Variants in DLGAP2 observed in about 807,000 individuals in gnomAD.
The protein encoded by DLGAP2 is DLG associated protein 2, also known as disks large-associated protein 2.
In DLGAP2, 26 loss-of-function variants were observed where a neutral mutation model predicts 100.3. That is an observed-to-expected ratio of 0.26 (90% CI 0.19 to 0.36). DLGAP2 has a LOEUF of 0.36. DLGAP2 is among the 10% of genes least tolerant of loss of function. The pLI is 1.00. For synonymous variants in DLGAP2, 886 were observed against 630.1 expected (o/e 1.41, Z -6.08); for missense variants, 1,858 against 1,453.2 (o/e 1.28, Z -4.53).
At chr8:1,198,364 C>T (rs565241472) in intron 2 of DLGAP2, among the ~76,000 whole-genome samples, 1 of 152,292 alleles carries the variant, frequency 6.6e-6, no homozygotes, top group African/African-American at 2.4e-5. Context: ...TGGGGCGTCA[C>T]GCATGTTGCA....
chr8:1,436,725 C>G (rs758424967), intron 3 of DLGAP2, among the ~76,000 whole-genome samples: 1 of 152,156 alleles, frequency 6.6e-6, no homozygotes, highest in Non-Finnish European at 1.5e-5. Context: ...CCCCACTCAC[C>G]CATTCACTCA....
At chr8:1,320,399 G>A (rs931458198) in intron 3 of DLGAP2, among the ~76,000 whole-genome samples, 5 of 152,084 alleles carry the variant, frequency 3.3e-5, no homozygotes, top group African/African-American at 9.7e-5. Context: ...GAGCCGGACC[G>A]GAGGAGGAGG....
chr8:1,580,174 G>A (rs1803170871), intron 6 of DLGAP2, among the ~76,000 whole-genome samples: 2 of 152,184 alleles, frequency 1.3e-5, no homozygotes, highest in East Asian at 1.9e-4. Flanking sequence ...GAAGTGACAT[G>A]GATGTTCCTT....
At chr8:1,342,905 C>T (rs776260515) in intron 3 of DLGAP2, among the ~76,000 whole-genome samples, 68 of 152,242 alleles carry the variant, frequency 4.5e-4, no homozygotes, top group African/African-American at 1.3e-3. Context: ...CCGTCTTTGC[C>T]GTGAGACCAG....
chr8:1,229,983 C>G (rs112738022), intron 2 of DLGAP2, among the ~76,000 whole-genome samples: 1 of 152,174 alleles, frequency 6.6e-6, no homozygotes, highest in Non-Finnish European at 1.5e-5. Flanking sequence ...CCCACTCTCA[C>G]CACTCCTATT....
chr8:1,531,649 C>A, intron 4 of DLGAP2, among the ~76,000 whole-genome samples: 1 of 152,014 alleles, frequency 6.6e-6, no homozygotes, highest in East Asian at 1.9e-4. Flanking sequence ...ATGTATATTT[C>A]CTTTTTTATA....
rs535285638 is a variant in DLGAP2 at position 903,441 on chromosome 8, C to A, written c.19-4471C>A. ...TGCAAGGCCGTGTCCATAAAATCAG[C>A]CACAACAGGCCTGTGTATTTTTGTG... On this transcript the variant is annotated intron_variant, in intron 1 of 14. Transcript: ENST00000637795. Among the ~76,000 whole-genome samples the A allele has an allele frequency of 1.1e-3, 171 of 152,246 alleles. 1 individual carries two copies. The highest frequency in any genetic ancestry group is 3.4e-3 in the Middle Eastern group (1 of 292).
intron 2 of DLGAP2, among the ~76,000 whole-genome samples, chr8:1,218,754 A>G (rs1215954117): frequency 4.6e-5 from 7 of 152,122 alleles, no homozygotes; most frequent in Non-Finnish European, 7.4e-5. Context: ...ATTCTTCATA[A>G]CTATGAGCTT....
intron 5 of DLGAP2, among the ~76,000 whole-genome samples, chr8:1,555,525 C>T (rs1202246036): frequency 6.6e-6 from 1 of 152,236 alleles, no homozygotes; most frequent in Non-Finnish European, 1.5e-5. Flanking sequence ...AGTACCGTCA[C>T]ACAGGGCTTG....
chr8:1,533,977 C>T (rs947147882), intron 4 of DLGAP2, among the ~76,000 whole-genome samples: 4 of 152,172 alleles, frequency 2.6e-5, no homozygotes, highest in African/African-American at 9.7e-5. Context: ...ACTATGAATA[C>T]ATATTTCAAA....
intron 2 of DLGAP2, among the ~76,000 whole-genome samples, chr8:1,095,657 A>G (rs902878240): frequency 1.3e-5 from 2 of 152,174 alleles, no homozygotes; most frequent in African/African-American, 4.8e-5. Flanking sequence ...ACTGGCTGTA[A>G]TTACTGTGTT....
At chr8:786,182 C>G (rs558830993) in intron 1 of DLGAP2, among the ~76,000 whole-genome samples, 52 of 152,288 alleles carry the variant, frequency 3.4e-4, no homozygotes, top group African/African-American at 1.2e-3. Context: ...GTCCTTGCCC[C>G]TCTTCAGTCT....
intron 2 of DLGAP2, among the ~76,000 whole-genome samples, chr8:1,209,913 C>T (rs1331557325): frequency 2.0e-5 from 3 of 152,156 alleles, no homozygotes; most frequent in Admixed American, 6.5e-5. Context: ...TGAGAAACGG[C>T]GTGTCATCAG....
intron 6 of DLGAP2, among the ~76,000 whole-genome samples, chr8:1,585,983 C>T (rs1478369630): frequency 6.6e-6 from 1 of 152,218 alleles, no homozygotes; most frequent in East Asian, 1.9e-4. Context: ...AACATGAGGT[C>T]CCACTGCACG....
chr8:1,072,020 G>A (rs925941046), intron 2 of DLGAP2, among the ~76,000 whole-genome samples: 2 of 152,180 alleles, frequency 1.3e-5, no homozygotes, highest in African/African-American at 4.8e-5. Flanking sequence ...GGGCCTTGAA[G>A]GCAGAAATGG....
intron 2 of DLGAP2, among the ~76,000 whole-genome samples, chr8:1,219,894 G>A (rs1798283864): frequency 6.6e-6 from 1 of 151,798 alleles, no homozygotes; most frequent in South Asian, 2.1e-4. Flanking sequence ...TTTAGTTTGT[G>A]TGCATAGTGG....
At chr8:1,266,551 T>G (rs1183839744) in intron 3 of DLGAP2, among the ~76,000 whole-genome samples, 1 of 152,242 alleles carries the variant, frequency 6.6e-6, no homozygotes, top group African/African-American at 2.4e-5. Context: ...TCCTCCTCTG[T>G]TGGATAAATT....
In DLGAP2 at chr8:1,142,646, G is replaced by A. The variant is rs1237562883; in HGVS notation, c.74-116205G>A. ...GGGTTTTGGGAAGTGCGGCGACTTCGGTGAAGTGGTAACAGCTGTTCCGTT... is the reference window on the plus strand; with the variant it reads ...GGGTTTTGGGAAGTGCGGCGACTTCAGTGAAGTGGTAACAGCTGTTCCGTT... On this transcript the variant is annotated intron_variant, in intron 2 of 14. Coordinates refer to ENST00000637795, the MANE Select transcript of DLGAP2 (RefSeq NM_001346810.2). Among the ~76,000 whole-genome samples the A allele has an allele frequency of 5.9e-5, 9 of 152,310 alleles. No individual in the cohort carries two copies. In the South Asian group the frequency reaches 1.0e-3, roughly 18 times the overall value.
chr8:1,437,307 G>A (rs981451893), intron 3 of DLGAP2, among the ~76,000 whole-genome samples: 1 of 152,240 alleles, frequency 6.6e-6, no homozygotes, highest in African/African-American at 2.4e-5. Flanking sequence ...GAAGCCATGC[G>A]GGTTTGTATC....
Sources: gnomAD v4.1 joint callset for allele counts (sites outside exome capture counted in the v4.1 genomes callset) on GRCh38, gnomAD v4.1.1 for gene constraint, MANE v1.5 for transcripts, NCBI Gene and HGNC (gene_info 2026-07-23, HGNC 2026-07-21) for gene names.